The following PBX3 variants were observed in gnomAD, a reference collection of about 807,000 sequenced individuals.
PBX3 encodes the protein PBX homeobox 3, also known as pre-B-cell leukemia transcription factor 3.
A neutral mutation model predicts 48.5 loss-of-function variants in PBX3; 14 were observed. The observed-to-expected ratio is 0.29, with a 90% CI of 0.19 to 0.45. The LOEUF (loss-of-function observed/expected upper bound fraction) is 0.45. Among genes scored for constraint, PBX3 ranks in the 20% least tolerant of loss-of-function variants. The probability of loss-of-function intolerance (pLI) is 1.00; values close to 1 mark genes in which losing one functional copy is unlikely to be tolerated. For synonymous variants in PBX3, 210 were observed against 200.3 expected, an observed-to-expected ratio of 1.05 and a Z score of -0.41; for missense variants, 386 against 546.7, an observed-to-expected ratio of 0.71 and a Z score of 2.93.
At chr9:125,820,014 A>T (rs1172402234) in intron 2 of PBX3, among the ~76,000 whole-genome samples, 1 of 152,210 alleles carries the variant, frequency 6.6e-6, no homozygotes, top group African/African-American at 2.4e-5. Flanking sequence ...AAAGAAATCT[A>T]TTCCTATTCA....
At chr9:125,748,505 C>T (rs762888838) in intron 1 of PBX3, 45 bp from the exon 2 acceptor site, 22 of 1,601,604 alleles carry the variant, frequency 1.4e-5, no homozygotes, top group South Asian at 1.1e-4. Flanking sequence ...CATATTATTC[C>T]ATAGGTGATG....
intron 2 of PBX3, among the ~76,000 whole-genome samples, chr9:125,813,274 A>AT (rs949178997): frequency 1.4e-4 from 21 of 150,654 alleles, no homozygotes; most frequent in South Asian, 6.3e-4. Flanking sequence ...TTACTTTTTA[A>AT]TTTTTTTTTG....
At position 125,845,202 on chromosome 9, in the gene PBX3, TC is replaced by T. The variant is rs1303545172; in HGVS notation, c.275-70482del. On this transcript the variant is annotated intron_variant, in intron 2 of 8. Coordinates refer to ENST00000373489, the MANE Select transcript of PBX3 (RefSeq NM_006195.6). ...TAACCGGTATACTTTTCCCGAAAAG[TC>T]CTTTACTATGCAGTGTGGATGCAAC... Among the ~76,000 whole-genome samples, 3 of 152,086 alleles carry T rather than the reference TC, an allele frequency of 2.0e-5. No individual in the cohort carries two copies. In the East Asian group the frequency reaches 5.8e-4, roughly 29 times the overall value.
intron 4 of PBX3, among the ~76,000 whole-genome samples, chr9:125,931,481 A>G (rs1241359541): frequency 6.6e-6 from 1 of 152,124 alleles, no homozygotes; most frequent in East Asian, 1.9e-4. Context: ...TATTTTTTGT[A>G]GAGATGGTGT....
intron 5 of PBX3, among the ~76,000 whole-genome samples, chr9:125,948,653 A>ATGTGGTG (rs1564187178): frequency 3.3e-5 from 5 of 151,700 alleles, no homozygotes; most frequent in Non-Finnish European, 7.4e-5. Context: ...TGTATGTGGT[A>ATGTGGTG]TGTGTATGTA....
intron 2 of PBX3, among the ~76,000 whole-genome samples, chr9:125,750,580 T>G (rs1047573248): frequency 5.3e-5 from 8 of 152,256 alleles, no homozygotes; most frequent in African/African-American, 1.7e-4. Flanking sequence ...TTGGTAGGGC[T>G]ATTGCTATTT....
chr9:125,891,779 C>T (rs994999017), intron 2 of PBX3, among the ~76,000 whole-genome samples: 1 of 152,036 alleles, frequency 6.6e-6, no homozygotes, highest in African/African-American at 2.4e-5. Flanking sequence ...AGTATGTAGT[C>T]CCAGAATTTT....
intron 2 of PBX3, among the ~76,000 whole-genome samples, chr9:125,757,590 T>C (rs1836554148): frequency 6.6e-6 from 1 of 152,304 alleles, no homozygotes; most frequent in East Asian, 1.9e-4. Context: ...ACACTGGATC[T>C]TGGGTCTAGG....
chr9:125,793,361 AAAAAAAT>A (rs1182636792), intron 2 of PBX3, among the ~76,000 whole-genome samples: 5 of 89,568 alleles, frequency 5.6e-5, no homozygotes, highest in African/African-American at 2.1e-4. Context: ...GGGGGGGAAA[AAAAAAAT>A]ATATATATAT....
rs553050007 is a variant in PBX3 at position 125,879,868 on chromosome 9, A to G, written c.275-35818A>G. On this transcript the variant is annotated intron_variant, in intron 2 of 8. Coordinates refer to ENST00000373489, the MANE Select transcript of PBX3 (RefSeq NM_006195.6). ...GTTTTTCTGGTATAGCTAAATGATT[A>G]TCAGTCTGAAAATGGTTTGAATACT... 1.3e-3 allele frequency among the ~76,000 whole-genome samples: 204 copies of G among 152,314 alleles called. 1 individual carries two copies. The highest frequency in any genetic ancestry group is 4.6e-3 in the African/African-American group (193 of 41,562).
chr9:125,917,159 C>G (rs1190205403), intron 3 of PBX3, among the ~76,000 whole-genome samples: 1 of 152,144 alleles, frequency 6.6e-6, no homozygotes, highest in Non-Finnish European at 1.5e-5. Flanking sequence ...AGTCCACACA[C>G]TTTAGTGTGA....
chr9:125,825,728 G>T (rs144143971), intron 2 of PBX3, among the ~76,000 whole-genome samples: 1 of 152,288 alleles, frequency 6.6e-6, no homozygotes, highest in Non-Finnish European at 1.5e-5. Context: ...GCCACAGTTT[G>T]AAAACCACTG....
chr9:125,750,663 T>C (rs1349106977), intron 2 of PBX3, among the ~76,000 whole-genome samples: 1 of 152,222 alleles, frequency 6.6e-6, no homozygotes, highest in African/African-American at 2.4e-5. Context: ...AGTGATAACT[T>C]GTAAATTAGA....
intron 5 of PBX3, among the ~76,000 whole-genome samples, chr9:125,951,311 G>A (rs1296354501): frequency 1.3e-5 from 2 of 152,174 alleles, no homozygotes; most frequent in Non-Finnish European, 2.9e-5. Flanking sequence ...TAGCCCAGCA[G>A]GAGTGTGGCA....
intron 2 of PBX3, chr9:125,865,237 T>G (rs925226953): frequency 1.8e-5 from 3 of 169,168 alleles, no homozygotes; most frequent in Non-Finnish European, 2.9e-5. Context: ...TCAAGGAAAC[T>G]TCAGTACTTT....
intron 2 of PBX3, among the ~76,000 whole-genome samples, chr9:125,838,380 T>G (rs1839198868): frequency 6.6e-6 from 1 of 152,182 alleles, no homozygotes; most frequent in Non-Finnish European, 1.5e-5. Flanking sequence ...CAATGGGCCC[T>G]TGCTCTCACA....
At chr9:125,914,689 G>A (rs1395861693) in intron 2 of PBX3, among the ~76,000 whole-genome samples, 2 of 152,222 alleles carry the variant, frequency 1.3e-5, no homozygotes, top group African/African-American at 2.4e-5. Context: ...TGTAACTAGT[G>A]TAGGGAACCT....
At chr9:125,939,087 C>G (rs1329861809) in intron 5 of PBX3, among the ~76,000 whole-genome samples, 2 of 152,016 alleles carry the variant, frequency 1.3e-5, no homozygotes, top group East Asian at 3.8e-4. Context: ...AGGGCATATA[C>G]AAATATTCTT....
At chr9:125,754,295 C>T (rs1836452844) in intron 2 of PBX3, among the ~76,000 whole-genome samples, 2 of 152,074 alleles carry the variant, frequency 1.3e-5, no homozygotes. Flanking sequence ...ACTAACAAAG[C>T]TTACACATTA....
Sources: allele counts gnomAD v4.1 joint callset (sites outside exome capture counted in the v4.1 genomes callset), GRCh38; gene constraint gnomAD v4.1.1; transcripts MANE v1.5; gene names NCBI Gene and HGNC (gene_info 2026-07-23, HGNC 2026-07-21).